MAN2B2: variants seen among roughly 807,000 people sequenced by gnomAD.
MAN2B2 encodes mannosidase alpha class 2B member 2.
MAN2B2 carries 106 observed loss-of-function variants against 117.1 expected under a neutral mutation model. That is an observed-to-expected ratio of 0.90 (90% CI 0.77 to 1.06). MAN2B2 has a LOEUF of 1.06. Among genes scored for constraint, MAN2B2 ranks in the 50% least tolerant of loss-of-function variants. The probability of loss-of-function intolerance (pLI) is 0.00; values close to 1 mark genes in which losing one functional copy is unlikely to be tolerated. For missense variants in MAN2B2, 1,326 were observed against 1,381.4 expected, an observed-to-expected ratio of 0.96 and a Z score of 0.64; for synonymous variants, 544 against 595.1, an observed-to-expected ratio of 0.91 and a Z score of 1.25.
intron 3 of MAN2B2, among the ~76,000 whole-genome samples, chr4:6,583,058 C>T (rs1726497021): frequency 6.6e-6 from 1 of 152,180 alleles, no homozygotes. Flanking sequence ...ACGTTGCTTC[C>T]ATCTTGATGT....
chr4:6,611,030 C>A, intron 14 of MAN2B2, 40 bp downstream of exon 14: 1 of 1,612,886 alleles, frequency 6.2e-7, no homozygotes, highest in South Asian at 1.1e-5. Flanking sequence ...CCCTCGCGGC[C>A]CCCTACAGGC....
intron 3 of MAN2B2, among the ~76,000 whole-genome samples, chr4:6,583,685 GA>G (rs1726529694): frequency 6.6e-6 from 1 of 152,270 alleles, no homozygotes; most frequent in Non-Finnish European, 1.5e-5. Flanking sequence ...TTTCAGAGCA[GA>G]AGTGGAAGTT....
chr4:6,617,947 A>C (rs1711979185), intron 17 of MAN2B2: 1 of 170,438 alleles, frequency 5.9e-6, no homozygotes, highest in Non-Finnish European at 1.2e-5. Flanking sequence ...TCCCAGGTTC[A>C]AGTGATTCTC....
At position 6,593,169 on chromosome 4, in the gene MAN2B2, A is replaced by G. The variant is rs759456124; in HGVS notation, c.681-4A>G. 3 of 1,613,104 alleles carry G rather than the reference A, an allele frequency of 1.9e-6. No homozygotes were observed. The highest frequency in any genetic ancestry group is 2.2e-5 in the South Asian group (2 of 90,944). ...TTCTGCCCTAACCTTCTGCCCTCGCACAGGTCAGGATTTTACTGGAATGGC... is the reference window on the plus strand; with the variant it reads ...TTCTGCCCTAACCTTCTGCCCTCGCGCAGGTCAGGATTTTACTGGAATGGC... On this transcript the variant is annotated splice_region_variant and splice_polypyrimidine_tract_variant and intron_variant, in intron 5 of 18. Transcript: ENST00000285599.
At chr4:6,601,744 T>C (rs1727339327) in intron 10 of MAN2B2, among the ~76,000 whole-genome samples, 1 of 152,194 alleles carries the variant, frequency 6.6e-6, no homozygotes, top group East Asian at 1.9e-4. Context: ...GAAGTTCCAA[T>C]GGTTTTAGGA....
intron 5 of MAN2B2, among the ~76,000 whole-genome samples, chr4:6,592,619 T>A (rs1560644760): frequency 1.3e-5 from 2 of 151,826 alleles, no homozygotes; most frequent in African/African-American, 4.8e-5. Context: ...GAAACAGAGG[T>A]GGGAATGCTG....
intron 3 of MAN2B2, 76 bp downstream of exon 3, chr4:6,578,574 G>T (rs1481731331): frequency 8.0e-7 from 1 of 1,250,470 alleles, no homozygotes; most frequent in Non-Finnish European, 1.1e-6. Flanking sequence ...AGAACCCCCA[G>T]GTTCTGAGCT....
At chr4:6,586,039 C>T (rs1220211395) in intron 3 of MAN2B2, among the ~76,000 whole-genome samples, 1 of 150,926 alleles carries the variant, frequency 6.6e-6, no homozygotes, top group Non-Finnish European at 1.5e-5. Context: ...AATTTATGGA[C>T]ATCTTTTCTT....
At chr4:6,603,756 G>A (rs1228399546) in intron 10 of MAN2B2, among the ~76,000 whole-genome samples, 6 of 152,068 alleles carry the variant, frequency 3.9e-5, no homozygotes, top group Admixed American at 2.0e-4. Context: ...GATGACCACC[G>A]TGAGGGGGAC....
At chr4:6,581,013 C>G (rs1277567213) in intron 3 of MAN2B2, among the ~76,000 whole-genome samples, 1 of 152,186 alleles carries the variant, frequency 6.6e-6, no homozygotes, top group Non-Finnish European at 1.5e-5. Flanking sequence ...TCATGGGGCC[C>G]TCAGGGTACA....
At chr4:6,620,196 T>C in intron 18 of MAN2B2, 152 bp downstream of exon 18, 1 of 634,150 alleles carries the variant, frequency 1.6e-6, no homozygotes, top group Non-Finnish European at 2.7e-6. Flanking sequence ...CCCTCCCAAA[T>C]CTACTACAGT....
chr4:6,586,043 T>C (rs1726621215), intron 3 of MAN2B2, among the ~76,000 whole-genome samples: 2 of 151,326 alleles, frequency 1.3e-5, no homozygotes, highest in South Asian at 2.1e-4. Flanking sequence ...TATGGACATC[T>C]TTTCTTGTGG....
chr4:6,577,977 T>A (rs1338326579), intron 2 of MAN2B2, among the ~76,000 whole-genome samples: 3 of 152,234 alleles, frequency 2.0e-5, no homozygotes, highest in Non-Finnish European at 4.4e-5. Context: ...CAGCTGTGTG[T>A]ACACATACTG....
rs1446396994 is a variant in MAN2B2, at chr4:6,614,369, C to T, written c.2701+14C>T. 6.2e-7 allele frequency: 1 copy of T among 1,612,408 alleles called. No homozygotes were observed. Among genetic ancestry groups the T allele is most frequent in the East Asian group, 2.2e-5 (1 of 44,838 alleles). On this transcript the variant is annotated intron_variant, in intron 16 of 18. Transcript: ENST00000285599. ...ATCTCCGGAAAGGTGAGGCAGGTGC[C>T]CTGGCGTCTCAGACCTGCTCCTCCC... is the stretch of plus-strand genomic sequence containing the variant.
intron 11 of MAN2B2, among the ~76,000 whole-genome samples, chr4:6,607,092 C>G (rs1015689286): frequency 6.6e-6 from 1 of 152,244 alleles, no homozygotes; most frequent in Non-Finnish European, 1.5e-5. Context: ...ATCACTCCCC[C>G]ACGGGCCCTG....
Position 6,589,132 on chromosome 4 carries a change from AC to A in MAN2B2, c.656del (p.Pro219ArgfsTer32). The A allele has an allele frequency of 6.2e-7, 1 of 1,614,072 alleles. No homozygotes were observed. The highest frequency in any genetic ancestry group is 1.7e-5 in the Admixed American group (1 of 60,018). On this transcript the variant is annotated frameshift_variant, in exon 5 of 19. Transcript: ENST00000285599. LOFTEE classifies it high-confidence loss of function. ...CATCATGGACCAGTACAGCTACTGCACCCCGTCCCACATCCCTTTCTCCAAC... is the reference window on the plus strand; with the variant it reads ...CATCATGGACCAGTACAGCTACTGCACCCGTCCCACATCCCTTTCTCCAAC... ...THIMDQYSYC[T>X]PSHIPFSNRS...
Position 6,589,144 on chromosome 4 carries a change from A to G in MAN2B2, c.664A>G (p.Ile222Val), listed in dbSNP as rs1287493397. The G allele has an allele frequency of 6.2e-7, 1 of 1,613,936 alleles. No homozygotes were observed. The highest frequency in any genetic ancestry group is 8.5e-7 in the Non-Finnish European group (1 of 1,179,820). ...GTACAGCTACTGCACCCCGTCCCAC[A>G]TCCCTTTCTCCAACAGGTACGTGCC... ...DQYSYCTPSHIPFSNRSGFYW... is the reference protein window; with the variant it reads ...DQYSYCTPSHVPFSNRSGFYW... Residue 222 changes from isoleucine to valine, a missense_variant, in exon 5 of 19, where the codon ATC becomes GTC. Ile to Val is a conservative substitution (Grantham distance 29, BLOSUM62 3). Transcript: ENST00000285599.
At chr4:6,608,977 C>A in intron 11 of MAN2B2, 130 bp from the exon 12 acceptor site, 1 of 761,486 alleles carries the variant, frequency 1.3e-6, no homozygotes, top group Non-Finnish European at 2.1e-6. Context: ...TCTAGATGAG[C>A]TGAGTCACAT....
chr4:6,595,155 T>G (rs1727028701), intron 7 of MAN2B2, among the ~76,000 whole-genome samples: 1 of 152,236 alleles, frequency 6.6e-6, no homozygotes, highest in African/African-American at 2.4e-5. Context: ...CTGTGCATCA[T>G]GCCTGTGTCC....
Sources: allele counts gnomAD v4.1 joint callset (sites outside exome capture counted in the v4.1 genomes callset), GRCh38; gene constraint gnomAD v4.1.1; transcripts MANE v1.5; gene names NCBI Gene and HGNC (gene_info 2026-07-23, HGNC 2026-07-21).